Variants in LDB2 observed in about 807,000 individuals in gnomAD.
LDB2 encodes the protein LIM domain-binding protein 2.
A neutral mutation model predicts 44.3 loss-of-function variants in LDB2; 12 were observed. The ratio of observed to expected loss-of-function variants is 0.27; its 90% CI spans 0.17 to 0.44. The LOEUF (loss-of-function observed/expected upper bound fraction) is 0.44, where lower values mean the gene tolerates loss of function less well. Among genes scored for constraint, LDB2 ranks in the 20% least tolerant of loss-of-function variants. The pLI, the probability that LDB2 is intolerant of heterozygous loss-of-function variation, is 1.00. For missense variants in LDB2, 344 were observed against 473.5 expected (o/e 0.73, Z 2.54); for synonymous variants, 164 against 174.8 (o/e 0.94, Z 0.49).
intron 1 of LDB2, among the ~76,000 whole-genome samples, chr4:16,831,517 G>C (rs888911031): frequency 4.6e-5 from 7 of 152,116 alleles, no homozygotes; most frequent in African/African-American, 1.4e-4. Flanking sequence ...GACAGAACGT[G>C]GTGGCTTTGA....
At chr4:16,762,845 A>G (rs1768231884) in intron 1 of LDB2, among the ~76,000 whole-genome samples, 1 of 152,210 alleles carries the variant, frequency 6.6e-6, no homozygotes, top group East Asian at 1.9e-4. Flanking sequence ...GGGAGAAAAG[A>G]AAGTACTCAA....
At chr4:16,800,183 CAA>C (rs1777533458) in intron 1 of LDB2, among the ~76,000 whole-genome samples, 1 of 151,884 alleles carries the variant, frequency 6.6e-6, no homozygotes, top group African/African-American at 2.4e-5. Context: ...TTCAAATGGG[CAA>C]AAAAGATTCA....
chr4:16,845,943 A>G (rs1352855330), intron 1 of LDB2, among the ~76,000 whole-genome samples: 1 of 151,970 alleles, frequency 6.6e-6, no homozygotes, highest in Admixed American at 6.5e-5. Context: ...CCCCATCTCT[A>G]CCAAAAATAC....
At chr4:16,883,474 C>T (rs1720773158) in intron 1 of LDB2, among the ~76,000 whole-genome samples, 1 of 152,232 alleles carries the variant, frequency 6.6e-6, no homozygotes, top group African/African-American at 2.4e-5. Context: ...TGCAATGGGG[C>T]ATGAACTACC....
intron 2 of LDB2, among the ~76,000 whole-genome samples, chr4:16,680,997 G>A (rs1237075069): frequency 1.3e-5 from 2 of 152,144 alleles, no homozygotes; most frequent in African/African-American, 4.8e-5. Context: ...TGCGCCTCAG[G>A]ACTACTGGCC....
chr4:16,650,006 G>A (rs774180400), intron 2 of LDB2, among the ~76,000 whole-genome samples: 8 of 152,170 alleles, frequency 5.3e-5, no homozygotes, highest in South Asian at 2.1e-4. Context: ...TCCCAAGGGC[G>A]GCTCCTGGAT....
chr4:16,685,280 C>T (rs1378394626), intron 2 of LDB2, among the ~76,000 whole-genome samples: 2 of 152,176 alleles, frequency 1.3e-5, no homozygotes, highest in South Asian at 2.1e-4. Flanking sequence ...GATCCTCACT[C>T]GCTCCATTTA....
chr4:16,560,169 G>A (rs1444956909), intron 5 of LDB2, among the ~76,000 whole-genome samples: 1 of 152,086 alleles, frequency 6.6e-6, no homozygotes, highest in Non-Finnish European at 1.5e-5. Flanking sequence ...AGAAAAGCAA[G>A]AGCAAACACA....
chr4:16,769,422 G>A (rs1414212685), intron 1 of LDB2, among the ~76,000 whole-genome samples: 3 of 151,598 alleles, frequency 2.0e-5, no homozygotes, highest in South Asian at 2.1e-4. Context: ...TCAGGCTCCC[G>A]AGTAGCTGGG....
intron 7 of LDB2, chr4:16,506,297 A>G: frequency 3.8e-6 from 1 of 261,598 alleles, no homozygotes; most frequent in Non-Finnish European, 7.2e-6. Context: ...TCTCTGTAAC[A>G]TCTGACAATT....
At chr4:16,897,937 T>TATATATATATATATATAC in intron 1 of LDB2, among the ~76,000 whole-genome samples, 2 of 19,024 alleles carry the variant, frequency 1.1e-4, no homozygotes, top group South Asian at 1.2e-3. Context: ...TATATATATA[T>TATATATATATATATATAC]ACACATATGT....
chr4:16,608,206 C>CAAAAAAAAAA (rs71649969), intron 2 of LDB2, among the ~76,000 whole-genome samples: 2 of 68,482 alleles, frequency 2.9e-5, no homozygotes, highest in African/African-American at 5.1e-5. Context: ...CACACTTCTT[C>CAAAAAAAAAA]AAAAAAAAAA....
intron 1 of LDB2, among the ~76,000 whole-genome samples, chr4:16,768,589 T>A (rs777619500): frequency 2.0e-5 from 3 of 152,210 alleles, no homozygotes; most frequent in Non-Finnish European, 4.4e-5. Context: ...GCCTTTCTGT[T>A]ACCTAGAGTC....
At chr4:16,658,561 G>T (rs2152536448) in intron 2 of LDB2, among the ~76,000 whole-genome samples, 1 of 151,580 alleles carries the variant, frequency 6.6e-6, no homozygotes, top group South Asian at 2.1e-4. Flanking sequence ...TTTTCCTAAA[G>T]CCTGAAATTT....
At chr4:16,545,968 A>G (rs748690167) in intron 5 of LDB2, among the ~76,000 whole-genome samples, 7 of 152,248 alleles carry the variant, frequency 4.6e-5, no homozygotes, top group Non-Finnish European at 1.0e-4. Flanking sequence ...GCCAAATGAA[A>G]TAATTGCAAC....
At chr4:16,511,613 A>G (rs1721784639) in intron 6 of LDB2, among the ~76,000 whole-genome samples, 1 of 151,824 alleles carries the variant, frequency 6.6e-6, no homozygotes. Flanking sequence ...AAAAACAAAA[A>G]CCTAAAACAT....
chr4:16,771,193 G>A (rs1166952508), intron 1 of LDB2, among the ~76,000 whole-genome samples: 1 of 151,874 alleles, frequency 6.6e-6, no homozygotes, highest in African/African-American at 2.4e-5. Flanking sequence ...AAGGCCACAG[G>A]AAACCACTAG....
At chr4:16,570,256 G>A (rs1448487423) in intron 5 of LDB2, among the ~76,000 whole-genome samples, 1 of 151,694 alleles carries the variant, frequency 6.6e-6, no homozygotes, top group South Asian at 2.1e-4. Context: ...GAGGTCAGGA[G>A]ATCGAGACCA....
At chr4:16,762,439 T>C (rs1768131921) in intron 1 of LDB2, among the ~76,000 whole-genome samples, 1 of 152,190 alleles carries the variant, frequency 6.6e-6, no homozygotes, top group Non-Finnish European at 1.5e-5. Context: ...GGGTAATTTA[T>C]AAAGGAAAGA....
Sources: gnomAD v4.1 joint callset for allele counts (sites outside exome capture counted in the v4.1 genomes callset) on GRCh38, gnomAD v4.1.1 for gene constraint, MANE v1.5 for transcripts, NCBI Gene and HGNC (gene_info 2026-07-23, HGNC 2026-07-21) for gene names.